CSMD3: variants seen among roughly 807,000 people sequenced by gnomAD.
The protein encoded by CSMD3 is CUB and Sushi multiple domains 3.
CSMD3 carries 177 observed loss-of-function variants against 435.2 expected under a neutral mutation model. That is an observed-to-expected ratio of 0.41 (90% confidence interval 0.36 to 0.46). The LOEUF (loss-of-function observed/expected upper bound fraction) is 0.46. CSMD3 is among the 20% of genes least tolerant of loss of function. CSMD3 has a pLI of 0.34. For synonymous variants in CSMD3, 1,656 were observed against 1,520.5 expected (o/e 1.09, Z -2.07); for missense variants, 4,265 against 4,504.6 (o/e 0.95, Z 1.52).
intron 53 of CSMD3, among the ~76,000 whole-genome samples, chr8:112,300,001 A>T (rs1479727943): frequency 6.6e-6 from 1 of 150,930 alleles, no homozygotes; most frequent in Non-Finnish European, 1.5e-5. Context: ...AATACACAAT[A>T]ACAATTCATG....
intron 3 of CSMD3, among the ~76,000 whole-genome samples, chr8:113,237,774 T>C (rs141569667): frequency 1.6e-3 from 241 of 152,186 alleles, no homozygotes; most frequent in African/African-American, 5.7e-3. Context: ...AATATAACAA[T>C]GTTTATCAAA....
chr8:113,341,202 T>A (rs553128275), intron 1 of CSMD3, among the ~76,000 whole-genome samples: 28 of 152,262 alleles, frequency 1.8e-4, no homozygotes, highest in African/African-American at 6.5e-4. Context: ...CATAAACATA[T>A]AAGCATATGT....
At chr8:113,092,104 G>A (rs1181649135) in intron 5 of CSMD3, among the ~76,000 whole-genome samples, 1 of 151,966 alleles carries the variant, frequency 6.6e-6, no homozygotes, top group Non-Finnish European at 1.5e-5. Flanking sequence ...ATTCCCATAT[G>A]TAGAGCTTCG....
intron 49 of CSMD3, among the ~76,000 whole-genome samples, chr8:112,311,393 T>C (rs946286585): frequency 6.6e-6 from 1 of 152,200 alleles, no homozygotes; most frequent in Non-Finnish European, 1.5e-5. Context: ...CAATTTATAT[T>C]GTCACCGAAA....
At chr8:112,570,290 T>A (rs181320247) in intron 24 of CSMD3, among the ~76,000 whole-genome samples, 123 of 152,310 alleles carry the variant, frequency 8.1e-4, no homozygotes, top group African/African-American at 2.6e-3. Flanking sequence ...CTAAATGGAC[T>A]AAAGATGCTA....
intron 38 of CSMD3, among the ~76,000 whole-genome samples, chr8:112,370,425 T>G (rs545148416): frequency 1.3e-5 from 2 of 152,162 alleles, no homozygotes; most frequent in Non-Finnish European, 2.9e-5. Context: ...TCTGCTCAAA[T>G]CTCCCTAATG....
At chr8:112,912,251 T>C (rs2082442510) in intron 10 of CSMD3, among the ~76,000 whole-genome samples, 1 of 151,164 alleles carries the variant, frequency 6.6e-6, no homozygotes. Flanking sequence ...GACATACTGC[T>C]TTCATTTTTT....
chr8:112,820,981 T>A (rs2079514411), intron 12 of CSMD3, among the ~76,000 whole-genome samples: 1 of 152,168 alleles, frequency 6.6e-6, no homozygotes, highest in South Asian at 2.1e-4. Context: ...AAGGATATGA[T>A]CTCATTCCTT....
At chr8:112,913,889 C>A (rs537186714) in intron 10 of CSMD3, among the ~76,000 whole-genome samples, 1 of 151,772 alleles carries the variant, frequency 6.6e-6, no homozygotes, top group African/African-American at 2.4e-5. Flanking sequence ...CGTCTTTGAA[C>A]GGAATGCACC....
rs146116630 is a variant in CSMD3, at chr8:112,615,701, C to T, written c.3715+21116G>A. 4.7e-3 allele frequency among the ~76,000 whole-genome samples: 720 copies of T among 151,900 alleles called. 3 individuals are homozygous for T. Among genetic ancestry groups the T allele is most frequent in the Admixed American group, 0.018 (270 of 15,198 alleles). On this transcript the variant is annotated intron_variant, in intron 22 of 70. Coordinates refer to ENST00000297405, the MANE Select transcript of CSMD3 (RefSeq NM_198123.2). ...TGTAACCTATATACTATAAACCATA[C>T]GAAAAAAGAGTTCTGGTATTCTGGA...
In CSMD3 at chr8:112,292,609, G is replaced by A. The variant is rs768008067; in HGVS notation, c.8716C>T (p.Leu2906Phe). The change falls in exon 55 of 71, where the codon CTT (leucine) becomes TTT (phenylalanine). Residue 2906 changes from leucine (L) to phenylalanine (F), a missense_variant. Leu to Phe is a conservative substitution (Grantham distance 22, BLOSUM62 0). Coordinates refer to ENST00000297405, the MANE Select transcript of CSMD3 (RefSeq NM_198123.2). ...TGTGCCTTTGTTGGCCCTTGCATAAGATACCCAATATTGCATGAGAATGTT... is the reference window on the plus strand; with the variant it reads ...TGTGCCTTTGTTGGCCCTTGCATAAAATACCCAATATTGCATGAGAATGTT... ...VVTFSCNIGY[L>F]MQGPTKAQCQ... is the part of the protein sequence containing the mutation. 15 of 1,613,744 alleles carry A rather than the reference G, an allele frequency of 9.3e-6. No homozygotes were observed. The Admixed American group carries it at 2.5e-4, about 27-fold the overall frequency.
intron 10 of CSMD3, among the ~76,000 whole-genome samples, chr8:112,863,500 C>T (rs1413752533): frequency 6.6e-6 from 1 of 151,798 alleles, no homozygotes; most frequent in Non-Finnish European, 1.5e-5. Context: ...TTAATATTGA[C>T]CTACTGATCT....
At chr8:113,306,666 A>G (rs2093823983) in intron 2 of CSMD3, among the ~76,000 whole-genome samples, 1 of 152,162 alleles carries the variant, frequency 6.6e-6, no homozygotes. Flanking sequence ...AGCAAAGGAG[A>G]GAAGAAATAC....
intron 61 of CSMD3, among the ~76,000 whole-genome samples, chr8:112,257,993 C>G (rs1815969793): frequency 6.6e-6 from 1 of 152,014 alleles, no homozygotes; most frequent in South Asian, 2.1e-4. Context: ...TACAACCATC[C>G]AATCTTTGAC....
intron 5 of CSMD3, among the ~76,000 whole-genome samples, chr8:113,055,412 C>T (rs1368560567): frequency 6.6e-6 from 1 of 152,178 alleles, no homozygotes; most frequent in Non-Finnish European, 1.5e-5. Context: ...ATAACTCCTC[C>T]TATTATAAAG....
intron 50 of CSMD3, chr8:112,310,663 T>C (rs1821890328): frequency 4.9e-6 from 2 of 405,558 alleles, no homozygotes; most frequent in South Asian, 2.1e-5. Context: ...TCATACTAAC[T>C]CAGTCTTCCT....
chr8:113,146,917 C>T (rs2091688430), intron 4 of CSMD3, among the ~76,000 whole-genome samples: 1 of 151,538 alleles, frequency 6.6e-6, no homozygotes, highest in Admixed American at 6.6e-5. Context: ...AAAAATCAGC[C>T]AGGGCCAGAA....
chr8:112,893,583 A>C (rs1319360172), intron 10 of CSMD3, among the ~76,000 whole-genome samples: 4 of 151,412 alleles, frequency 2.6e-5, no homozygotes, highest in African/African-American at 9.7e-5. Flanking sequence ...CAGAGATTTA[A>C]TCCCTGTTTC....
intron 1 of CSMD3, among the ~76,000 whole-genome samples, chr8:113,319,281 G>T (rs2132697585): frequency 6.6e-6 from 1 of 152,026 alleles, no homozygotes; most frequent in African/African-American, 2.4e-5. Context: ...TCTTATAGTG[G>T]TTTAAATTTG....
Sources: gnomAD v4.1 joint callset for allele counts (sites outside exome capture counted in the v4.1 genomes callset) on GRCh38, gnomAD v4.1.1 for gene constraint, MANE v1.5 for transcripts, NCBI Gene and HGNC (gene_info 2026-07-23, HGNC 2026-07-21) for gene names.